Variants in TPM3 observed in about 807,000 individuals in gnomAD.
TPM3 encodes the protein tropomyosin 3.
A neutral mutation model predicts 43.1 loss-of-function variants in TPM3; 16 were observed. The ratio of observed to expected loss-of-function variants is 0.37; its 90% CI spans 0.25 to 0.56. The LOEUF is 0.56. Among genes scored for constraint, TPM3 ranks in the 20% least tolerant of loss-of-function variants. The pLI is 0.77. For missense variants in TPM3, 176 were observed against 337.2 expected, an observed-to-expected ratio of 0.52 and a Z score of 3.74; for synonymous variants, 101 against 116.9, an observed-to-expected ratio of 0.86 and a Z score of 0.88.
chr1:154,183,106 G>A, intron 2 of TPM3: 3 of 1,599,020 alleles, frequency 1.9e-6, no homozygotes, highest in Non-Finnish European at 8.5e-7. Context: ...CTCGATGGTG[G>A]TGATCCCAGC....
rs890406091 is a variant in TPM3 at position 154,167,136 on chromosome 1, T to C, written c.*801A>G. The C allele has an allele frequency of 2.8e-5, 6 of 216,250 alleles. No homozygotes were observed. Among genetic ancestry groups the C allele is most frequent in the Non-Finnish European group, 4.7e-5 (6 of 126,602 alleles). The allele number at this position is 216,250 out of a possible 1,614,324, so 13.4% of individuals were successfully genotyped here. On this transcript the variant is annotated 3_prime_UTR_variant, in exon 10 of 10. Coordinates refer to ENST00000651641, the MANE Select transcript of TPM3 (RefSeq NM_152263.4). The stretch of plus-strand genomic sequence containing the variant: ...TTGGTCATTTTAGTTTTCCCAATAA[T>C]AATTTATCACTTATCTTATATCCCA...
chr1:154,160,371 G>A (rs1271402086), downstream of TPM3, among the ~76,000 whole-genome samples: 1 of 152,184 alleles, frequency 6.6e-6, no homozygotes, highest in Non-Finnish European at 1.5e-5. Flanking sequence ...GTGGGCTGAG[G>A]CTCTCCCCAG....
rs1661054310 is a variant in TPM3 at position 154,166,982 on chromosome 1, C to T, written c.*955G>A. On this transcript the variant is annotated 3_prime_UTR_variant, in exon 10 of 10. Coordinates refer to ENST00000651641, the MANE Select transcript of TPM3 (RefSeq NM_152263.4). Reference sequence around the variant, plus strand: ...ATAGGCGTGAGCTACCACGCCCGGCCTATAATGGGAATTTCTAAAATGTTG... The same window carrying T: ...ATAGGCGTGAGCTACCACGCCCGGCTTATAATGGGAATTTCTAAAATGTTG... Among the ~76,000 whole-genome samples, 1 of 152,270 alleles carries T rather than the reference C, an allele frequency of 6.6e-6. No individual in the cohort carries two copies. Among genetic ancestry groups the T allele is most frequent in the South Asian group, 2.1e-4 (1 of 4,826 alleles).
At chr1:154,188,441 C>T (rs1372356507) in intron 2 of TPM3, among the ~76,000 whole-genome samples, 1 of 150,816 alleles carries the variant, frequency 6.6e-6, no homozygotes, top group African/African-American at 2.5e-5. Flanking sequence ...TTTGGGAGGC[C>T]GTGGCGGGCG....
intron 2 of TPM3, chr1:154,182,882 C>A: frequency 6.4e-7 from 1 of 1,566,712 alleles, no homozygotes. Flanking sequence ...CATCTCCGAG[C>A]CCGCCGGCCT....
At chr1:154,186,199 A>G (rs972816529) in intron 2 of TPM3, among the ~76,000 whole-genome samples, 1 of 151,626 alleles carries the variant, frequency 6.6e-6, no homozygotes, top group Non-Finnish European at 1.5e-5. Context: ...GAATTTTTCT[A>G]ACTTGCTTTG....
intron 2 of TPM3, chr1:154,183,269 C>A: frequency 6.6e-7 from 1 of 1,518,536 alleles, no homozygotes; most frequent in Non-Finnish European, 8.8e-7. Context: ...CCGCGCCCTC[C>A]CACCGCCAGG....
chr1:154,171,092 G>A (rs1414148323), intron 6 of TPM3: 1 of 557,034 alleles, frequency 1.8e-6, no homozygotes, highest in Admixed American at 3.1e-5. Context: ...TGCTCATTAG[G>A]TCTCAGAGCT....
chr1:154,182,735 G>A (rs1035510987), intron 2 of TPM3, among the ~76,000 whole-genome samples: 1 of 152,048 alleles, frequency 6.6e-6, no homozygotes, highest in Non-Finnish European at 1.5e-5. Context: ...AAAAAAAGAG[G>A]AGGAAAGCCA....
chr1:154,191,169 ATC>A lies in TPM3; in HGVS notation c.243+15_243+16del, dbSNP rs146969764. ...TATGTGTAGATTAAACCCATCCTCC[ATC>A]TCTCTAATACTCACATCAGCAGCCT... On this transcript the variant is annotated intron_variant, in intron 2 of 9. Coordinates refer to ENST00000651641, the MANE Select transcript of TPM3 (RefSeq NM_152263.4). The A allele has an allele frequency of 4.3e-3, 6,902 of 1,613,494 alleles. 18 individuals are homozygous for A. The highest frequency in any genetic ancestry group is 5.1e-3 in the Non-Finnish European group (5,979 of 1,179,848).
intron 5 of TPM3, 23 bp downstream of exon 5, chr1:154,172,885 G>C (rs1661763500): frequency 1.9e-6 from 3 of 1,613,858 alleles, no homozygotes; most frequent in Non-Finnish European, 2.5e-6. Flanking sequence ...GTAATGACAA[G>C]ATTTGGGGAG....
chr1:154,191,417 T>C, intron 1 of TPM3, 106 bp from the exon 2 acceptor site: 2 of 1,566,730 alleles, frequency 1.3e-6, no homozygotes, highest in Non-Finnish European at 1.7e-6. Context: ...TTACCATCCC[T>C]AGTGAGACAC....
chr1:154,157,698 C>G, downstream of TPM3: 1 of 780,726 alleles, frequency 1.3e-6, no homozygotes, highest in Non-Finnish European at 2.4e-6. Flanking sequence ...CAGAGGTGCT[C>G]CTCTTTGGTG....
downstream of TPM3, chr1:154,158,997 T>C (rs1660086161): frequency 3.8e-6 from 3 of 780,606 alleles, no homozygotes; most frequent in Non-Finnish European, 7.2e-6. Context: ...CAGCGTTAGC[T>C]TCAGCTCATT....
downstream of TPM3, among the ~76,000 whole-genome samples, chr1:154,161,804 GAGAC>G (rs1398032978): frequency 7.9e-5 from 12 of 152,086 alleles, no homozygotes; most frequent in Non-Finnish European, 1.6e-4. Context: ...AAGAAATAAA[GAGAC>G]AGAGAAGGAG....
Position 154,171,495 on chromosome 1 carries a change from A to G in TPM3, c.567-7T>C, listed in dbSNP as rs1397726428. 1 of 1,613,908 alleles carries G rather than the reference A, an allele frequency of 6.2e-7. No individual in the cohort carries two copies. The highest frequency in any genetic ancestry group is 1.1e-5 in the South Asian group (1 of 91,084). Reference sequence around the variant, plus strand: ...CTCCAGCTCAGAACACTTACTGTGAATATTTTAAATACCACAGGAGAGGAA... The same window carrying G: ...CTCCAGCTCAGAACACTTACTGTGAGTATTTTAAATACCACAGGAGAGGAA... On this transcript the variant is annotated splice_polypyrimidine_tract_variant and splice_region_variant and intron_variant, in intron 5 of 9. Transcript: ENST00000651641.
Position 154,170,397 on chromosome 1 carries a change from T to C in TPM3, c.775+3A>G, listed in dbSNP as rs1661438092. 1.2e-6 allele frequency: 2 copies of C among 1,614,134 alleles called. No homozygotes were observed. Among genetic ancestry groups the C allele is most frequent in the Non-Finnish European group, 1.7e-6 (2 of 1,179,990 alleles). Reference sequence around the variant, plus strand: ...ATTTCAATCCCTACTCCAGGTTCCATACCTTCCAGGTCATCAATTGTCTTT... The same window carrying C: ...ATTTCAATCCCTACTCCAGGTTCCACACCTTCCAGGTCATCAATTGTCTTT... On this transcript the variant is annotated splice_donor_region_variant and intron_variant, in intron 8 of 9. Coordinates refer to ENST00000651641, the MANE Select transcript of TPM3 (RefSeq NM_152263.4).
chr1:154,172,305 A>T, intron 5 of TPM3: 1 of 719,982 alleles, frequency 1.4e-6, no homozygotes, highest in South Asian at 1.5e-5. Context: ...TGCATTCAGC[A>T]CTGACTTTGT....
chr1:154,191,733 T>C, intron 1 of TPM3, 169 bp downstream of exon 1: 1 of 1,568,384 alleles, frequency 6.4e-7, no homozygotes, highest in Non-Finnish European at 8.6e-7. Flanking sequence ...ACAAAGGCAG[T>C]CTGAGACAGA....
Sources: allele counts gnomAD v4.1 joint callset (sites outside exome capture counted in the v4.1 genomes callset), GRCh38; gene constraint gnomAD v4.1.1; transcripts MANE v1.5; gene names NCBI Gene and HGNC (gene_info 2026-07-23, HGNC 2026-07-21).